The following TCF7L1 variants were observed in gnomAD, a reference collection of about 807,000 sequenced individuals.
TCF7L1 encodes the protein transcription factor 7-like 1.
A neutral mutation model predicts 63.7 loss-of-function variants in TCF7L1; 18 were observed. That is an observed-to-expected ratio of 0.28 (90% CI 0.20 to 0.42). The LOEUF (loss-of-function observed/expected upper bound fraction) is 0.42. TCF7L1 is among the 10% of genes least tolerant of loss of function. The pLI is 1.00. For missense variants in TCF7L1, 654 were observed against 779.3 expected (o/e 0.84, Z 1.91); for synonymous variants, 355 against 340.9 (o/e 1.04, Z -0.46).
rs370177282 is a variant in TCF7L1, at chr2:85,306,460, C to A, written c.1158C>A (p.Asn386Lys). The A allele has an allele frequency of 1.9e-6, 3 of 1,614,018 alleles. No homozygotes were observed. The highest frequency in any genetic ancestry group is 1.7e-5 in the Admixed American group (1 of 59,992). Residue 386 changes from asparagine to lysine, a missense_variant, in exon 10 of 12, where the codon AAC becomes AAA. Transcript: ENST00000282111. The surrounding 1 kb of genome is among the most constrained non-coding windows in gnomAD (Gnocchi z 4.3). ...INQILGRKWH[N>K]LSREEQAKYY... Reference sequence around the variant, plus strand: ...GACCCTCTCTCCCCCAGTGGCACAACCTGTCTCGAGAAGAACAGGCCAAGT... The same window carrying A: ...GACCCTCTCTCCCCCAGTGGCACAAACTGTCTCGAGAAGAACAGGCCAAGT...
At chr2:85,227,510 T>C (rs933351793) in intron 3 of TCF7L1, among the ~76,000 whole-genome samples, 3 of 152,052 alleles carry the variant, frequency 2.0e-5, no homozygotes, top group Non-Finnish European at 4.4e-5. Context: ...AAAAGAATAT[T>C]TTAATAATAA....
chr2:85,269,851 T>C (rs1681107858), intron 3 of TCF7L1, among the ~76,000 whole-genome samples: 1 of 152,206 alleles, frequency 6.6e-6, no homozygotes. Context: ...CACACTAGTG[T>C]AGGGTGCAGG....
At chr2:85,284,358 G>T (rs935993100) in intron 4 of TCF7L1, among the ~76,000 whole-genome samples, 2 of 152,138 alleles carry the variant, frequency 1.3e-5, no homozygotes, top group African/African-American at 4.8e-5. Context: ...TCAATAGGAC[G>T]TATGCAAACA....
intron 3 of TCF7L1, among the ~76,000 whole-genome samples, chr2:85,223,120 C>A (rs935079219): frequency 1.7e-4 from 26 of 152,188 alleles, no homozygotes; most frequent in Non-Finnish European, 1.5e-5. Flanking sequence ...CTCACTCAGT[C>A]GCCTAGGCTA....
chr2:85,208,914 G>A (rs1679477585), intron 3 of TCF7L1, among the ~76,000 whole-genome samples: 1 of 152,176 alleles, frequency 6.6e-6, no homozygotes, highest in South Asian at 2.1e-4. Flanking sequence ...GGGCTTGGCA[G>A]GTTCAGCCTC....
At position 85,201,585 on chromosome 2, in the gene TCF7L1, A is replaced by G. The variant is rs144667752; in HGVS notation, c.441+67135A>G. 5.9e-5 allele frequency among the ~76,000 whole-genome samples: 9 copies of G among 152,342 alleles called. No individual in the cohort carries two copies. In the East Asian group the frequency reaches 1.7e-3, roughly 29 times the overall value. On this transcript the variant is annotated intron_variant, in intron 3 of 11. Transcript: ENST00000282111. ...ACATGTAAGTGGATCTACAAAGTTC[A>G]AACCTGTTTTGTTCAAGGGTCAACT...
At position 85,133,729 on chromosome 2, in the gene TCF7L1, CGGGGGAG is replaced by C; in HGVS notation, c.47_53del (p.Gly16AlafsTer21). 8.4e-7 allele frequency: 1 copy of C among 1,197,244 alleles called. No individual in the cohort carries two copies. The highest frequency in any genetic ancestry group is 1.0e-6 in the Non-Finnish European group (1 of 966,558). The allele number at this position is 1,197,244 out of a possible 1,614,324, so 74.2% of individuals were successfully genotyped here. On this transcript the variant is annotated frameshift_variant, in exon 1 of 12. Coordinates refer to ENST00000282111, the MANE Select transcript of TCF7L1 (RefSeq NM_031283.3). LOFTEE classifies it high-confidence loss of function. The surrounding 1 kb of genome is among the most constrained non-coding windows in gnomAD (Gnocchi z 4.4). ...GGGGCGGCGGCGGCGGCGGCGGCAG[CGGGGGAG>C]GCGGCGGCTCCAGCGCCGGGGCGGC...
chr2:85,297,699 C>T (rs76003864), intron 4 of TCF7L1, among the ~76,000 whole-genome samples: 10,477 of 152,020 alleles, frequency 0.069, 465 homozygotes, highest in African/African-American at 0.12. Context: ...GTGGGAAGAT[C>T]CCGTGAGCCC....
intron 3 of TCF7L1, among the ~76,000 whole-genome samples, chr2:85,181,526 G>A (rs997897213): frequency 6.6e-6 from 1 of 152,192 alleles, no homozygotes; most frequent in Non-Finnish European, 1.5e-5. Context: ...GAGAGAGGGA[G>A]AGGGTTCAGC....
chr2:85,168,591 T>C (rs1379589569), intron 3 of TCF7L1, among the ~76,000 whole-genome samples: 1 of 150,552 alleles, frequency 6.6e-6, no homozygotes, highest in Non-Finnish European at 1.5e-5. Context: ...GGACAGGCTA[T>C]CAGAGGAGGG....
intron 3 of TCF7L1, among the ~76,000 whole-genome samples, chr2:85,267,093 C>A (rs1680992646): frequency 1.3e-5 from 2 of 152,204 alleles, no homozygotes; most frequent in Non-Finnish European, 2.9e-5. Context: ...GTAATCCCAC[C>A]ACTTTGGGAG....
At chr2:85,144,485 G>A (rs1437040067) in intron 3 of TCF7L1, among the ~76,000 whole-genome samples, 1 of 151,106 alleles carries the variant, frequency 6.6e-6, no homozygotes, top group African/African-American at 2.4e-5. Context: ...GCCTGTAATC[G>A]CAGCTACTCA....
intron 4 of TCF7L1, among the ~76,000 whole-genome samples, chr2:85,296,802 G>A (rs1056300554): frequency 8.5e-5 from 13 of 152,156 alleles, no homozygotes; most frequent in African/African-American, 3.1e-4. Context: ...TGAGAAAGTC[G>A]CTGATAGATA....
At chr2:85,218,768 A>C (rs1376786094) in intron 3 of TCF7L1, among the ~76,000 whole-genome samples, 1 of 152,152 alleles carries the variant, frequency 6.6e-6, no homozygotes, top group East Asian at 1.9e-4. Flanking sequence ...TATATAGTGC[A>C]GTCATCTGCA....
chr2:85,242,028 G>GC (rs1254630860), intron 3 of TCF7L1, among the ~76,000 whole-genome samples: 1 of 138,086 alleles, frequency 7.2e-6, no homozygotes, highest in Non-Finnish European at 1.6e-5. Flanking sequence ...TGGTGCGGGG[G>GC]GGCAAGAATA....
chr2:85,152,669 G>C (rs147185030), intron 3 of TCF7L1, among the ~76,000 whole-genome samples: 3 of 132,670 alleles, frequency 2.3e-5, no homozygotes, highest in Non-Finnish European at 4.7e-5. Flanking sequence ...TCTAGACCTC[G>C]GGTTATCTGC....
intron 3 of TCF7L1, among the ~76,000 whole-genome samples, chr2:85,216,821 A>T (rs777340348): frequency 6.6e-6 from 1 of 152,230 alleles, no homozygotes; most frequent in Non-Finnish European, 1.5e-5. Flanking sequence ...ACAAAGTGGA[A>T]TAAAATGTCA....
At chr2:85,223,484 G>A (rs1008791524) in intron 3 of TCF7L1, among the ~76,000 whole-genome samples, 23 of 152,212 alleles carry the variant, frequency 1.5e-4, no homozygotes, top group African/African-American at 1.2e-4. Context: ...GGGTTAGAGG[G>A]AGGGGCCGGC....
rs952487483 is a variant in TCF7L1 at position 85,309,792 on chromosome 2, T to C, written c.*330T>C. 12 of 262,536 alleles carry C rather than the reference T, an allele frequency of 4.6e-5. No homozygotes were observed. The highest frequency in any genetic ancestry group is 7.2e-5 in the Non-Finnish European group (10 of 139,828). The allele number at this position is 262,536 out of a possible 1,614,324, so 16.3% of individuals were successfully genotyped here. A position where few individuals can be genotyped will look rare whatever the true frequency, so the allele number is the denominator to read the frequency against. On this transcript the variant is annotated 3_prime_UTR_variant, in exon 12 of 12. Coordinates refer to ENST00000282111, the MANE Select transcript of TCF7L1 (RefSeq NM_031283.3). ...CCTCTCTTGCACTTTCTGTCTCCTG[T>C]CTCTTCTCGCCCCTGCCGCCTGCCC...
Sources: allele counts gnomAD v4.1 joint callset (sites outside exome capture counted in the v4.1 genomes callset), GRCh38; gene constraint gnomAD v4.1.1; non-coding constraint Gnocchi (gnomAD v3.1); transcripts MANE v1.5; gene names NCBI Gene and HGNC (gene_info 2026-07-23, HGNC 2026-07-21).